The following CLEC20A variants were observed in gnomAD, a reference collection of about 807,000 sequenced individuals.
CLEC20A encodes the protein C-type lectin domain containing 20A.
rs150466733 is a variant in CLEC20A at position 178,483,013 on chromosome 1, T to G, written c.1036+162A>C. 57 of 393,586 alleles carry G rather than the reference T, an allele frequency of 1.4e-4. No homozygotes were observed. In the Middle Eastern group the frequency reaches 3.2e-3, roughly 22 times the overall value. 24.4% of individuals were successfully genotyped at this position (393,586 alleles called of 1,614,324 possible). ...GTCCCCTAAGTTTTCATAATAGTCA[T>G]GGAGCATAAACTAGAATCCACCTCT... On this transcript the variant is annotated intron_variant, in intron 6 of 7. Transcript: ENST00000623247.
exon 4 of CLEC20A, chr1:178,490,324 C>A (rs559786641): frequency 1.8e-5 from 7 of 398,690 alleles, no homozygotes; most frequent in Non-Finnish European, 2.7e-5. Flanking sequence ...TCATCCGTCA[C>A]CATCTGCAGG....
At chr1:178,498,814 C>A (rs953658120), upstream of CLEC20A, among the ~76,000 whole-genome samples, 1 of 152,160 alleles carries the variant, frequency 6.6e-6, no homozygotes, top group South Asian at 2.1e-4. Flanking sequence ...CCCTTCTCAC[C>A]CTTCCCTGAT....
chr1:178,483,101 GT>G (rs1460200891), intron 6 of CLEC20A, 73 bp downstream of exon 6: 2 of 397,908 alleles, frequency 5.0e-6, no homozygotes, highest in East Asian at 7.1e-5. Flanking sequence ...CAAGGGCCCT[GT>G]GCCAAGGAGT....
intron 4 of CLEC20A, 149 bp from the exon 5 acceptor site, chr1:178,488,748 A>G (rs1004317412): frequency 1.3e-5 from 5 of 396,262 alleles, no homozygotes; most frequent in Admixed American, 8.8e-5. Flanking sequence ...ACCGTGTGCC[A>G]ATCCCTGCAG....
At chr1:178,479,775 C>T (rs1381109708) in intron 7 of CLEC20A, 160 bp from the exon 8 acceptor site, 12 of 384,614 alleles carry the variant, frequency 3.1e-5, no homozygotes, top group Non-Finnish European at 5.5e-5. Context: ...AGCATTTTAC[C>T]AGTAGGAAAA....
intron 5 of CLEC20A, 197 bp from the exon 6 acceptor site, chr1:178,483,479 C>G: frequency 5.2e-6 from 2 of 384,274 alleles, no homozygotes; most frequent in Non-Finnish European, 9.2e-6. Flanking sequence ...TTTAACCCAG[C>G]ACTTGAGTTG....
chr1:178,483,567 A>C, intron 5 of CLEC20A: 1 of 265,254 alleles, frequency 3.8e-6, no homozygotes, highest in East Asian at 6.7e-5. Context: ...GTTTTTCCTC[A>C]TCAAATTTTT....
At chr1:178,489,849 C>T (rs528859902) in intron 4 of CLEC20A, among the ~76,000 whole-genome samples, 4 of 152,296 alleles carry the variant, frequency 2.6e-5, no homozygotes, top group East Asian at 1.9e-4. Context: ...GGATGGAATC[C>T]GTTCCATTAT....
At chr1:178,480,016 T>C (rs1648920303) in intron 7 of CLEC20A, 1 of 151,862 alleles carries the variant, frequency 6.6e-6, no homozygotes, top group South Asian at 2.1e-4. Context: ...TTTTTTTTTT[T>C]TTCTTTTTAA....
chr1:178,493,123 G>T (rs1649304604), intron 2 of CLEC20A, among the ~76,000 whole-genome samples: 1 of 152,212 alleles, frequency 6.6e-6, no homozygotes, highest in African/African-American at 2.4e-5. Flanking sequence ...CCACATGCTA[G>T]CAGCAGAGGT....
At chr1:178,492,565 G>A (rs961807670) in exon 3 of CLEC20A, 2 of 398,468 alleles carry the variant, frequency 5.0e-6, no homozygotes, top group African/African-American at 4.1e-5. Flanking sequence ...CGACGTCAGG[G>A]TCTGTAAAAC....
At chr1:178,493,488 C>T (rs532854291) in intron 2 of CLEC20A, 61 of 152,706 alleles carry the variant, frequency 4.0e-4, no homozygotes, top group South Asian at 8.3e-4. Context: ...GTGCTGTGCA[C>T]GCCACAACCA....
At chr1:178,485,276 GCT>G in intron 5 of CLEC20A, among the ~76,000 whole-genome samples, 1 of 152,250 alleles carries the variant, frequency 6.6e-6, no homozygotes, top group East Asian at 1.9e-4. Flanking sequence ...TTGCTCACCT[GCT>G]GTAAACCTCT....
intron 5 of CLEC20A, 115 bp downstream of exon 5, chr1:178,488,386 C>G (rs1200428637): frequency 5.0e-6 from 2 of 396,986 alleles, no homozygotes; most frequent in East Asian, 3.6e-5. Flanking sequence ...TAGCTCACCC[C>G]TTTTCTAGGC....
intron 5 of CLEC20A, chr1:178,484,184 C>A (rs146508783): frequency 1.3e-5 from 2 of 152,234 alleles, no homozygotes; most frequent in African/African-American, 4.8e-5. Context: ...TATGTGTGTA[C>A]CTCATATTAC....
chr1:178,490,536 G>T, intron 3 of CLEC20A, 99 bp from the exon 4 acceptor site: 2 of 397,772 alleles, frequency 5.0e-6, no homozygotes, highest in Non-Finnish European at 8.8e-6. Flanking sequence ...TCTGACATGG[G>T]CCCTTGTCCC....
upstream of CLEC20A, among the ~76,000 whole-genome samples, chr1:178,497,440 C>T (rs1173562940): frequency 6.6e-6 from 1 of 152,130 alleles, no homozygotes; most frequent in Non-Finnish European, 1.5e-5. Flanking sequence ...CATGAGAATC[C>T]CCCATTCCAG....
Position 178,494,837 on chromosome 1 carries a change from T to C in CLEC20A, c.41-27A>G, listed in dbSNP as rs548953248. ...TGGAACAGGAGAGGCTGTCATAGCATGGCTGTCCCCACCCCAGCCCCTAGT... is the reference window on the plus strand; with the variant it reads ...TGGAACAGGAGAGGCTGTCATAGCACGGCTGTCCCCACCCCAGCCCCTAGT... On this transcript the variant is annotated intron_variant, in intron 1 of 7. Transcript: ENST00000623247. 5.0e-5 allele frequency: 20 copies of C among 399,194 alleles called. No homozygotes were observed. In the South Asian group the frequency reaches 1.9e-3, roughly 38 times the overall value. The allele number at this position is 399,194 out of a possible 1,614,324, so 24.7% of individuals were successfully genotyped here.
rs541155038 is a variant in CLEC20A, at chr1:178,487,797, G to A, written c.928+704C>T. Among the ~76,000 whole-genome samples the A allele has an allele frequency of 1.3e-4, 20 of 152,246 alleles. No homozygotes were observed. In the South Asian group the frequency reaches 4.1e-3, roughly 32 times the overall value. On this transcript the variant is annotated intron_variant, in intron 5 of 7. Transcript: ENST00000623247. ...AGGCTCTGCTCGACCTTGATCAAGT[G>A]CCCTCACTTTTCTGTGTCCTCAAAA...
Sources: gnomAD v4.1 joint callset for allele counts (sites outside exome capture counted in the v4.1 genomes callset) on GRCh38, gnomAD v4.1.1 for gene constraint, MANE v1.5 for transcripts, NCBI Gene and HGNC (gene_info 2026-07-23, HGNC 2026-07-21) for gene names.